Variants in KIF5B observed in about 807,000 individuals in gnomAD.
The protein encoded by KIF5B is kinesin-1 heavy chain.
In KIF5B, 49 loss-of-function variants were observed where a neutral mutation model predicts 132.8. The observed-to-expected ratio is 0.37, with a 90% confidence interval of 0.29 to 0.47. The LOEUF (loss-of-function observed/expected upper bound fraction) is 0.47, where lower values mean the gene tolerates loss of function less well. KIF5B is among the 20% of genes least tolerant of loss of function. KIF5B has a pLI of 1.00. For missense variants in KIF5B, 780 were observed against 1,144.0 expected (o/e 0.68, Z 4.59); for synonymous variants, 355 against 369.4 (o/e 0.96, Z 0.45).
At chr10:32,052,672 T>C (rs1236678619) in intron 1 of KIF5B, among the ~76,000 whole-genome samples, 1 of 152,228 alleles carries the variant, frequency 6.6e-6, no homozygotes, top group South Asian at 2.1e-4. Context: ...TTCAAAGACA[T>C]AAACTGTTTC....
rs573920714 is a variant in KIF5B at position 32,037,694 on chromosome 10, G to A, written c.499-87C>T. The A allele has an allele frequency of 4.9e-5, 46 of 944,720 alleles. No homozygotes were observed. In the East Asian group the frequency reaches 6.5e-4, roughly 13 times the overall value. The allele number at this position is 944,720 out of a possible 1,614,324, so 58.5% of individuals were successfully genotyped here. A position where few individuals can be genotyped will look rare whatever the true frequency, so the allele number is the denominator to read the frequency against. ...ATAAAAACACAAAAATTAGCCGGGCGCGGTGGCGGGTGCCTGTAATCCTAG... is the reference window on the plus strand; with the variant it reads ...ATAAAAACACAAAAATTAGCCGGGCACGGTGGCGGGTGCCTGTAATCCTAG... On this transcript the variant is annotated intron_variant, in intron 6 of 25. Transcript: ENST00000302418.
At chr10:32,055,410 C>G (rs61844305) in intron 1 of KIF5B, among the ~76,000 whole-genome samples, 30,253 of 152,164 alleles carry the variant, frequency 0.2, 3,744 homozygotes, top group East Asian at 0.39. Flanking sequence ...AAGTACACTA[C>G]GGCTTATCTC....
At chr10:32,026,300 T>C (rs765742760) in intron 15 of KIF5B, among the ~76,000 whole-genome samples, 1 of 151,386 alleles carries the variant, frequency 6.6e-6, no homozygotes, top group Non-Finnish European at 1.5e-5. Flanking sequence ...TATCCAGGCG[T>C]GGTGGCACAC....
chr10:32,053,027 CTA>C (rs1841713554), intron 1 of KIF5B, among the ~76,000 whole-genome samples: 1 of 152,186 alleles, frequency 6.6e-6, no homozygotes, highest in Admixed American at 6.5e-5. Context: ...ACATCATAAA[CTA>C]CAATATTCTT....
At chr10:32,039,563 C>A (rs1841505438) in intron 3 of KIF5B, 132 bp from the exon 4 acceptor site, 2 of 566,694 alleles carry the variant, frequency 3.5e-6, no homozygotes, top group South Asian at 2.3e-5. Context: ...TCTGTAAATA[C>A]CTAAAAAATC....
rs1349222737 is a variant in KIF5B at position 32,022,766 on chromosome 10, A to G, written c.1914+82T>C. 6 of 1,047,144 alleles carry G rather than the reference A, an allele frequency of 5.7e-6. No individual in the cohort carries two copies. The African/African-American group carries it at 8.0e-5, about 14-fold the overall frequency. The allele number at this position is 1,047,144 out of a possible 1,614,324, so 64.9% of individuals were successfully genotyped here. ...AACTAAATTTCACCTATAGACACAC[A>G]TTTTTCTGAAAACTTGTATAATAAA... On this transcript the variant is annotated intron_variant, in intron 16 of 25. Coordinates refer to ENST00000302418, the MANE Select transcript of KIF5B (RefSeq NM_004521.3).
chr10:32,036,225 C>G (rs1812714426), intron 8 of KIF5B, among the ~76,000 whole-genome samples: 1 of 152,128 alleles, frequency 6.6e-6, no homozygotes, highest in African/African-American at 2.4e-5. Flanking sequence ...TTGAAAATAA[C>G]CAATTTAAAT....
chr10:32,055,855 A>C lies in KIF5B; in HGVS notation c.119T>G (p.Val40Gly). Residue 40 changes from valine (V) to glycine (G), a missense_variant, in exon 1 of 26, where the codon GTG becomes GGG. This residue lies in a region of KIF5B where 66 missense variants were observed against 83.4 expected (regional missense o/e 0.79). Transcript: ENST00000302418. ...CCGGCGGGGGTCACTCACCGCGATCACGACCGTGTCTTCTCCCTGAAACTT... is the reference window on the plus strand; with the variant it reads ...CCGGCGGGGGTCACTCACCGCGATCCCGACCGTGTCTTCTCCCTGAAACTT... ...IAKFQGEDTV[V>G]IASKPYAFDR... 1 of 1,612,306 alleles carries C rather than the reference A, an allele frequency of 6.2e-7. No individual in the cohort carries two copies. The highest frequency in any genetic ancestry group is 1.3e-5 in the African/African-American group (1 of 75,042).
intron 15 of KIF5B, among the ~76,000 whole-genome samples, 181 bp from the exon 16 acceptor site, chr10:32,023,217 ACT>A (rs1439337754): frequency 3.9e-5 from 6 of 152,224 alleles, no homozygotes; most frequent in Admixed American, 2.0e-4. Flanking sequence ...AATACAGCTT[ACT>A]TTTTGCCTTC....
At chr10:32,028,152 C>T (rs1338616012) in intron 15 of KIF5B, among the ~76,000 whole-genome samples, 1 of 152,054 alleles carries the variant, frequency 6.6e-6, no homozygotes, top group African/African-American at 2.4e-5. Flanking sequence ...TTTGTAGAGA[C>T]AGGGTTTCGC....
chr10:32,025,150 A>C (rs1285833365), intron 15 of KIF5B, among the ~76,000 whole-genome samples: 1 of 152,220 alleles, frequency 6.6e-6, no homozygotes, highest in Admixed American at 6.5e-5. Context: ...AACACCATAC[A>C]TTAGTAAAAT....
chr10:32,034,313 T>C (rs544112256), intron 11 of KIF5B, among the ~76,000 whole-genome samples: 1 of 152,078 alleles, frequency 6.6e-6, no homozygotes, highest in African/African-American at 2.4e-5. Context: ...GGTTTCAACA[T>C]GTTGGCCAGG....
chr10:32,035,599 T>C lies in KIF5B; in HGVS notation c.885A>G (p.Arg295=), dbSNP rs1215911523. Residue 295 remains arginine (R), a synonymous_variant, in exon 10 of 26, where the codon AGA becomes AGG. Transcript: ENST00000302418. ...ILQDSLGGNC[R]TTIVICCSPS... ...GAGAGCAGCAAATTACAATAGTGGT[T>C]CTACAGTTGCCACCTAATGAATCTT... is the stretch of plus-strand genomic sequence containing the variant. 3 of 1,612,966 alleles carry C rather than the reference T, an allele frequency of 1.9e-6. No homozygotes were observed. The highest frequency in any genetic ancestry group is 2.5e-6 in the Non-Finnish European group (3 of 1,179,080).
At chr10:32,036,046 C>G (rs763556695) in intron 8 of KIF5B, 52 bp from the exon 9 acceptor site, 2 of 1,249,992 alleles carry the variant, frequency 1.6e-6, no homozygotes, top group Non-Finnish European at 2.2e-6. Flanking sequence ...TTATAATTTT[C>G]TTTACATTTT....
chr10:32,048,495 C>T lies in KIF5B; in HGVS notation c.183G>A (p.Val61=), dbSNP rs1841644574. The change falls in exon 2 of 26, where the codon GTG becomes GTA. Residue 61 remains valine, a synonymous_variant. Coordinates refer to ENST00000302418, the MANE Select transcript of KIF5B (RefSeq NM_004521.3). ...VFQSSTSQEQ[V]YNDCAKKIVK... is the part of the protein sequence containing the mutation. ...CAATCTTCTTTGCACAGTCATTATA[C>T]ACTTGCTCTTGAGATGTGCTTGACT... The T allele has an allele frequency of 6.2e-7, 1 of 1,613,532 alleles. No individual in the cohort carries two copies. Among genetic ancestry groups the T allele is most frequent in the Non-Finnish European group, 8.5e-7 (1 of 1,179,718 alleles).
In KIF5B at chr10:32,055,875, A is replaced by G; in HGVS notation, c.99T>C (p.Phe33=). ...VNRGDKYIAK[F]QGEDTVVIAS... ...CGATCACGACCGTGTCTTCTCCCTG[A>G]AACTTGGCGATGTACTTGTCGCCGC... The change falls in exon 1 of 26, where the codon TTT becomes TTC. Residue 33 remains phenylalanine (F), a synonymous_variant. Transcript: ENST00000302418. The G allele has an allele frequency of 6.2e-7, 1 of 1,613,020 alleles. No homozygotes were observed. The highest frequency in any genetic ancestry group is 8.5e-7 in the Non-Finnish European group (1 of 1,179,866).
In KIF5B at chr10:32,009,166, A is replaced by T. The variant is rs929576873; in HGVS notation, c.*2371T>A. Reference sequence around the variant, plus strand: ...CAACATATTCCACAGGTAGACTCAGACTCTCTTCTGTCACCTCATGTCAAA... The same window carrying T: ...CAACATATTCCACAGGTAGACTCAGTCTCTCTTCTGTCACCTCATGTCAAA... On this transcript the variant is annotated 3_prime_UTR_variant, in exon 26 of 26. Coordinates refer to ENST00000302418, the MANE Select transcript of KIF5B (RefSeq NM_004521.3). The T allele has an allele frequency of 2.0e-5, 3 of 152,152 alleles. No individual in the cohort carries two copies. Among genetic ancestry groups the T allele is most frequent in the Admixed American group, 1.3e-4 (2 of 15,268 alleles). The allele number at this position is 152,152 out of a possible 1,614,324, so 9.4% of individuals were successfully genotyped here.
In KIF5B at chr10:32,034,053, T is replaced by TA; in HGVS notation, c.1112-16dup. On this transcript the variant is annotated splice_polypyrimidine_tract_variant and intron_variant, in intron 11 of 25. Transcript: ENST00000302418. ...CACCGTCTCCCCTAAAATAAGAAAA[T>TA]AAAGTGGTTAATAAAAAAACGACGT... The TA allele has an allele frequency of 6.8e-7, 1 of 1,479,564 alleles. No homozygotes were observed. The highest frequency in any genetic ancestry group is 9.1e-7 in the Non-Finnish European group (1 of 1,102,620). 91.7% of individuals were successfully genotyped at this position (1,479,564 alleles called of 1,614,324 possible).
chr10:32,024,949 C>T (rs914589731), intron 15 of KIF5B, among the ~76,000 whole-genome samples: 1 of 151,510 alleles, frequency 6.6e-6, no homozygotes, highest in South Asian at 2.1e-4. Flanking sequence ...TGGTGGTACG[C>T]GCCTGTGTTC....
Sources: gnomAD v4.1 joint callset for allele counts (sites outside exome capture counted in the v4.1 genomes callset) on GRCh38, gnomAD v4.1.1 for gene constraint, gnomAD v4.1.1 regional missense constraint, MANE v1.5 for transcripts, NCBI Gene and HGNC (gene_info 2026-07-23, HGNC 2026-07-21) for gene names.